MACROD2: variants seen among roughly 807,000 people sequenced by gnomAD.
MACROD2 encodes the protein mono-ADP ribosylhydrolase 2.
MACROD2 carries 36 observed loss-of-function variants against 70.4 expected under a neutral mutation model. That is an observed-to-expected ratio of 0.51 (90% CI 0.39 to 0.68). MACROD2 has a LOEUF of 0.68. Among genes scored for constraint, MACROD2 ranks in the 30% least tolerant of loss-of-function variants. The probability of loss-of-function intolerance (pLI) is 0.00; values close to 1 mark genes in which losing one functional copy is unlikely to be tolerated. For synonymous variants in MACROD2, 172 were observed against 178.8 expected (o/e 0.96, Z 0.30); for missense variants, 496 against 538.4 (o/e 0.92, Z 0.78).
At chr20:15,060,740 T>C (rs143369652) in intron 5 of MACROD2, among the ~76,000 whole-genome samples, 16 of 152,340 alleles carry the variant, frequency 1.1e-4, no homozygotes, top group Admixed American at 3.9e-4. Flanking sequence ...AAAGCTGCCA[T>C]CAAAGTGTCT....
chr20:14,736,689 C>G (rs2071669013), intron 5 of MACROD2, among the ~76,000 whole-genome samples: 1 of 152,122 alleles, frequency 6.6e-6, no homozygotes, highest in Non-Finnish European at 1.5e-5. Context: ...ATCATGACGA[C>G]TCTCTGAAAT....
At chr20:15,863,068 T>A (rs1300306582) in intron 9 of MACROD2, among the ~76,000 whole-genome samples, 1 of 151,962 alleles carries the variant, frequency 6.6e-6, no homozygotes, top group East Asian at 1.9e-4. Flanking sequence ...GTGCCTCACA[T>A]CAAAACTGAG....
chr20:14,861,332 G>A (rs2073314031), intron 5 of MACROD2, among the ~76,000 whole-genome samples: 1 of 152,052 alleles, frequency 6.6e-6, no homozygotes, highest in South Asian at 2.1e-4. Flanking sequence ...TCTACTCATT[G>A]GAATATCAGG....
intron 15 of MACROD2, among the ~76,000 whole-genome samples, chr20:15,989,142 C>G (rs909459743): frequency 1.3e-5 from 2 of 152,150 alleles, no homozygotes; most frequent in African/African-American, 4.8e-5. Flanking sequence ...GAATGCACTC[C>G]ATAAGTATTT....
chr20:14,292,897 A>T (rs2082397870), intron 3 of MACROD2, among the ~76,000 whole-genome samples: 1 of 151,904 alleles, frequency 6.6e-6, no homozygotes, highest in African/African-American at 2.4e-5. Context: ...GGCCTCCCAA[A>T]GTGCTGGGAT....
At chr20:14,476,404 G>T (rs2084595032) in intron 3 of MACROD2, among the ~76,000 whole-genome samples, 1 of 152,150 alleles carries the variant, frequency 6.6e-6, no homozygotes, top group Admixed American at 6.5e-5. Flanking sequence ...CACCCAGGCT[G>T]GAGTACAGTG....
chr20:15,738,914 T>A (rs942549504), intron 8 of MACROD2, among the ~76,000 whole-genome samples: 2 of 152,098 alleles, frequency 1.3e-5, no homozygotes, highest in African/African-American at 4.8e-5. Context: ...ACCAAAGTTG[T>A]TTATGGAGTT....
At chr20:14,902,297 TC>T (rs2073903962) in intron 5 of MACROD2, among the ~76,000 whole-genome samples, 1 of 152,170 alleles carries the variant, frequency 6.6e-6, no homozygotes, top group Non-Finnish European at 1.5e-5. Flanking sequence ...GCCCCCTTTT[TC>T]CTCTTCATTT....
chr20:14,316,125 A>G (rs1011067770), intron 3 of MACROD2, among the ~76,000 whole-genome samples: 3 of 152,190 alleles, frequency 2.0e-5, no homozygotes, highest in African/African-American at 7.2e-5. Context: ...AGAAGATGCA[A>G]TGGGATCATG....
intron 3 of MACROD2, among the ~76,000 whole-genome samples, chr20:14,157,237 C>A (rs2055115275): frequency 6.6e-6 from 1 of 152,030 alleles, no homozygotes; most frequent in Admixed American, 6.6e-5. Context: ...ATGCCACCTC[C>A]TTTTTTTCTC....
intron 3 of MACROD2, among the ~76,000 whole-genome samples, chr20:14,090,400 C>T (rs1358918478): frequency 6.6e-6 from 1 of 151,948 alleles, no homozygotes; most frequent in Non-Finnish European, 1.5e-5. Context: ...TGGTGAAACC[C>T]CGTCTCTACT....
At position 14,649,962 on chromosome 20, in the gene MACROD2, TA is replaced by T. The variant is rs1374110325; in HGVS notation, c.302-34879del. Among the ~76,000 whole-genome samples, 5 of 152,182 alleles carry T rather than the reference TA, an allele frequency of 3.3e-5. No individual in the cohort carries two copies. In the South Asian group the frequency reaches 8.3e-4, roughly 25 times the overall value. On this transcript the variant is annotated intron_variant, in intron 4 of 17. Coordinates refer to ENST00000684519, the MANE Select transcript of MACROD2 (RefSeq NM_001351661.2). ...GACTGATAACAACTTGTTTTTGCAG[TA>T]AGTCTGAAGATTAAAGCCCTTAGTT... is the stretch of plus-strand genomic sequence containing the variant.
At position 15,076,092 on chromosome 20, in the gene MACROD2, T is replaced by C. The variant is rs187772511; in HGVS notation, c.419-153848T>C. Among the ~76,000 whole-genome samples, 105 of 150,580 alleles carry C rather than the reference T, an allele frequency of 7.0e-4. 1 individual carries two copies. Among genetic ancestry groups the C allele is most frequent in the African/African-American group, 2.6e-3 (104 of 40,050 alleles). Reference sequence around the variant, plus strand: ...ATTTCCTTCAAACATTTATTATGTGTGTCTGTGTGAATAAATATATATGTT... The same window carrying C: ...ATTTCCTTCAAACATTTATTATGTGCGTCTGTGTGAATAAATATATATGTT... On this transcript the variant is annotated intron_variant, in intron 5 of 17. Transcript: ENST00000684519.
intron 17 of MACROD2, among the ~76,000 whole-genome samples, chr20:16,047,603 A>C (rs541744523): frequency 6.6e-6 from 1 of 152,176 alleles, no homozygotes; most frequent in Non-Finnish European, 1.5e-5. Flanking sequence ...AGGTTATCCT[A>C]TAGAATGAAG....
intron 4 of MACROD2, among the ~76,000 whole-genome samples, chr20:14,634,252 A>G (rs982854976): frequency 6.6e-6 from 1 of 152,202 alleles, no homozygotes; most frequent in African/African-American, 2.4e-5. Flanking sequence ...CTTGAGTTAC[A>G]CTTTTCCATA....
chr20:14,911,220 A>G (rs191874662), intron 5 of MACROD2, among the ~76,000 whole-genome samples: 7 of 152,314 alleles, frequency 4.6e-5, no homozygotes, highest in Admixed American at 6.5e-5. Context: ...CTAGGAATAC[A>G]TAGTTTAACC....
At chr20:14,738,076 T>G (rs2071688907) in intron 5 of MACROD2, among the ~76,000 whole-genome samples, 1 of 106,794 alleles carries the variant, frequency 9.4e-6, no homozygotes, top group Admixed American at 1.2e-4. Flanking sequence ...TCTCAACATA[T>G]TCTATCAAGT....
intron 5 of MACROD2, among the ~76,000 whole-genome samples, chr20:14,917,055 C>T (rs1345517237): frequency 6.6e-6 from 1 of 151,676 alleles, no homozygotes; most frequent in Admixed American, 6.6e-5. Flanking sequence ...GAAGTAATGC[C>T]TGCCCCTTTT....
At chr20:14,798,088 A>G (rs2072531896) in intron 5 of MACROD2, among the ~76,000 whole-genome samples, 1 of 152,078 alleles carries the variant, frequency 6.6e-6, no homozygotes. Context: ...ATGTCAGGCT[A>G]TGGGGCTCTA....
Sources: gnomAD v4.1 joint callset for allele counts (sites outside exome capture counted in the v4.1 genomes callset) on GRCh38, gnomAD v4.1.1 for gene constraint, MANE v1.5 for transcripts, NCBI Gene and HGNC (gene_info 2026-07-23, HGNC 2026-07-21) for gene names.